The following MBTPS1 variants were observed in gnomAD, a reference collection of about 807,000 sequenced individuals.
The protein encoded by MBTPS1 is membrane-bound transcription factor site-1 protease.
Under a neutral mutation model 127.8 loss-of-function variants are expected in MBTPS1, and 94 were observed. The ratio of observed to expected loss-of-function variants is 0.74; its 90% confidence interval spans 0.62 to 0.87. The LOEUF (loss-of-function observed/expected upper bound fraction) is 0.87. MBTPS1 is among the 40% of genes least tolerant of loss of function. The probability of loss-of-function intolerance (pLI) is 0.00; values close to 1 mark genes in which losing one functional copy is unlikely to be tolerated. For synonymous variants in MBTPS1, 632 were observed against 509.4 expected, an observed-to-expected ratio of 1.24 and a Z score of -3.24; for missense variants, 1,636 against 1,353.2, an observed-to-expected ratio of 1.21 and a Z score of -3.28.
chr16:84,091,674 T>G, intron 7 of MBTPS1, 58 bp downstream of exon 7: 2 of 1,151,356 alleles, frequency 1.7e-6, no homozygotes, highest in South Asian at 2.4e-5. Flanking sequence ...GATGCAAAGT[T>G]GGGCTGCGAA....
intron 2 of MBTPS1, among the ~76,000 whole-genome samples, chr16:84,100,566 A>C (rs757945803): frequency 2.5e-4 from 38 of 151,988 alleles, no homozygotes; most frequent in Non-Finnish European, 4.4e-4. Context: ...AAGAAAAAAC[A>C]AAAATAAAAA....
chr16:84,109,793 C>G (rs2086374616), intron 1 of MBTPS1, among the ~76,000 whole-genome samples: 1 of 152,156 alleles, frequency 6.6e-6, no homozygotes, highest in East Asian at 1.9e-4. Flanking sequence ...GGACAACTGG[C>G]AAAACCCAAG....
chr16:84,116,712 C>CCGCG (rs1248363120), intron 1 of MBTPS1, 23 bp downstream of exon 1: 5 of 152,130 alleles, frequency 3.3e-5, no homozygotes, highest in Admixed American at 3.3e-4. Context: ...GTCGGGGAGG[C>CCGCG]CGCGCGCGGG....
chr16:84,065,655 G>C (rs1422184844), intron 18 of MBTPS1, 35 bp downstream of exon 18: 3 of 1,403,096 alleles, frequency 2.1e-6, no homozygotes, highest in Non-Finnish European at 3.0e-6. Flanking sequence ...GCGAGAGAAA[G>C]AAGAAGCAAA....
chr16:84,091,951 T>C (rs2086116230), intron 6 of MBTPS1, 103 bp from the exon 7 acceptor site: 1 of 712,410 alleles, frequency 1.4e-6, no homozygotes, highest in Admixed American at 2.3e-5. Context: ...AGTAGTTCTC[T>C]TAATTTTTTT....
intron 1 of MBTPS1, among the ~76,000 whole-genome samples, chr16:84,106,840 A>G (rs979193708): frequency 1.3e-5 from 2 of 152,172 alleles, no homozygotes; most frequent in African/African-American, 4.8e-5. Flanking sequence ...ATAAGAGGCG[A>G]TGACATTACA....
intron 5 of MBTPS1, 109 bp downstream of exon 5, chr16:84,093,602 A>G (rs1260865247): frequency 1.6e-5 from 13 of 833,020 alleles, no homozygotes; most frequent in East Asian, 5.3e-5. Context: ...AAAAAGCACA[A>G]TAACACCTTG....
intron 12 of MBTPS1, among the ~76,000 whole-genome samples, chr16:84,073,803 G>A (rs889252240): frequency 2.0e-5 from 3 of 152,074 alleles, no homozygotes; most frequent in South Asian, 2.1e-4. Context: ...TCAGGAATTC[G>A]AGACCAGCCT....
intron 1 of MBTPS1, among the ~76,000 whole-genome samples, chr16:84,107,737 C>T (rs1244639150): frequency 6.6e-6 from 1 of 151,216 alleles, no homozygotes; most frequent in African/African-American, 2.4e-5. Flanking sequence ...CAGGGTCCCG[C>T]TTGGTCACCC....
At chr16:84,080,903 G>C (rs940078856) in intron 11 of MBTPS1, among the ~76,000 whole-genome samples, 1 of 152,284 alleles carries the variant, frequency 6.6e-6, no homozygotes, top group East Asian at 1.9e-4. Context: ...GACCCAGACT[G>C]ACAGACCACA....
At chr16:84,078,770 A>C (rs1463459965) in intron 11 of MBTPS1, among the ~76,000 whole-genome samples, 11 of 152,226 alleles carry the variant, frequency 7.2e-5, no homozygotes, top group Admixed American at 7.2e-4. Flanking sequence ...AAGTGAAAAA[A>C]GCAGAATCCA....
chr16:84,078,615 G>C (rs532123882), intron 11 of MBTPS1, among the ~76,000 whole-genome samples: 1 of 152,308 alleles, frequency 6.6e-6, no homozygotes, highest in Non-Finnish European at 1.5e-5. Flanking sequence ...GTTATTCACT[G>C]CAAGTTTATA....
Position 84,054,424 on chromosome 16 carries a change from C to T in MBTPS1, c.*25G>A. The T allele has an allele frequency of 6.4e-7, 1 of 1,570,408 alleles. No individual in the cohort carries two copies. The highest frequency in any genetic ancestry group is 1.2e-5 in the South Asian group (1 of 84,610). ...CGCCGTCCGTGAAGGCTCTCTCTGG[C>T]CCTCACGGTCAGCCAGGCTGCCGGT... On this transcript the variant is annotated 3_prime_UTR_variant, in exon 23 of 23. Transcript: ENST00000343411.
Position 84,099,282 on chromosome 16 carries a change from A to G in MBTPS1, c.192T>C (p.Phe64=), listed in dbSNP as rs2086222226. The part of the protein sequence containing the change: ...YEYIVAFNGY[F]TAKARNSFIS... Reference sequence around the variant, plus strand: ...TAAATGAATTTCTAGCTTTGGCTGTAAAGTATCCATTGAAAGCCACAATAT... The same window carrying G: ...TAAATGAATTTCTAGCTTTGGCTGTGAAGTATCCATTGAAAGCCACAATAT... Residue 64 remains phenylalanine, a synonymous_variant, in exon 3 of 23, where the codon TTT becomes TTC. Transcript: ENST00000343411. 12 of 1,614,016 alleles carry G rather than the reference A, an allele frequency of 7.4e-6. No individual in the cohort carries two copies. Among genetic ancestry groups the G allele is most frequent in the Non-Finnish European group, 1.0e-5 (12 of 1,180,010 alleles).
At chr16:84,102,279 T>A (rs1404785958) in intron 1 of MBTPS1, among the ~76,000 whole-genome samples, 172 bp from the exon 2 acceptor site, 2 of 152,120 alleles carry the variant, frequency 1.3e-5, no homozygotes, top group Non-Finnish European at 2.9e-5. Context: ...CCCAGGAGTC[T>A]GAGTCCAGCC....
Position 84,065,733 on chromosome 16 carries a change from A to C in MBTPS1, c.2388T>G (p.Phe796Leu), listed in dbSNP as rs1006817265. Residue 796 changes from phenylalanine (F) to leucine (L), a missense_variant, in exon 18 of 23, where the codon TTT (phenylalanine) becomes TTG (leucine). Transcript: ENST00000343411. ...GTGTTATCACGACGCCATCTTCTGG[A>C]AACTTCGCGATGCTGCACCCTGACG... Reference protein sequence around the residue: ...YYASGCSIAKFPEDGVVITQT... With the variant: ...YYASGCSIAKLPEDGVVITQT... 6.2e-7 allele frequency: 1 copy of C among 1,611,808 alleles called. No individual in the cohort carries two copies. Among genetic ancestry groups the C allele is most frequent in the South Asian group, 1.1e-5 (1 of 90,546 alleles).
intron 11 of MBTPS1, 180 bp downstream of exon 11, chr16:84,081,567 C>G: frequency 2.4e-6 from 1 of 408,944 alleles, no homozygotes; most frequent in East Asian, 3.6e-5. Context: ...TAAGCGAAAG[C>G]AGCTACCAGT....
intron 11 of MBTPS1, chr16:84,075,619 C>T (rs893262967): frequency 1.3e-5 from 2 of 152,272 alleles, no homozygotes; most frequent in African/African-American, 4.8e-5. Flanking sequence ...AACTGCTTCA[C>T]CTCATTACAG....
intron 8 of MBTPS1, among the ~76,000 whole-genome samples, 173 bp downstream of exon 8, chr16:84,090,702 C>G (rs1315783753): frequency 6.6e-6 from 1 of 152,110 alleles, no homozygotes; most frequent in Non-Finnish European, 1.5e-5. Context: ...TGGTGAGTAC[C>G]TGGGTGTTCA....
Sources: gnomAD v4.1 joint callset for allele counts (sites outside exome capture counted in the v4.1 genomes callset) on GRCh38, gnomAD v4.1.1 for gene constraint, MANE v1.5 for transcripts, NCBI Gene and HGNC (gene_info 2026-07-23, HGNC 2026-07-21) for gene names.